Variants in PIGN observed in about 807,000 individuals in gnomAD.
PIGN encodes the protein GPI ethanolamine phosphate transferase 1.
Under a neutral mutation model 125.4 loss-of-function variants are expected in PIGN, and 117 were observed. That is an observed-to-expected ratio of 0.93 (90% CI 0.80 to 1.09). The LOEUF is 1.09. PIGN is among the 50% of genes least tolerant of loss of function. PIGN has a pLI of 0.00. For synonymous variants in PIGN, 392 were observed against 377.8 expected (o/e 1.04, Z -0.44); for missense variants, 1,075 against 1,094.9 (o/e 0.98, Z 0.26).
At position 62,045,818 on chromosome 18, in the gene PIGN, G is replaced by A. The variant is rs756388509; in HGVS notation, c.*38C>T. The stretch of plus-strand genomic sequence containing the variant: ...TTGATGAGATTTTAGCTTAAAAGGA[G>A]AATCAGGATCCAGATGCTGAATGGT... On this transcript the variant is annotated 3_prime_UTR_variant, in exon 31 of 31. Transcript: ENST00000640252. The A allele has an allele frequency of 5.0e-6, 8 of 1,607,716 alleles. No homozygotes were observed. Among genetic ancestry groups the A allele is most frequent in the Non-Finnish European group, 6.0e-6 (7 of 1,175,414 alleles).
rs2030391847 is a variant in PIGN at position 62,041,744 on chromosome 18, G to C, written c.*4112C>G. On this transcript the variant is annotated 3_prime_UTR_variant, in exon 31 of 31. Coordinates refer to ENST00000640252, the MANE Select transcript of PIGN (RefSeq NM_176787.5). ...GGGTTTTGCCATCTTGGCCAGACTG[G>C]TCTCGAACTCCTGACCTCAAGTGAT... 6.9e-6 allele frequency: 1 copy of C among 143,942 alleles called. No individual in the cohort carries two copies. The highest frequency in any genetic ancestry group is 1.5e-5 in the Non-Finnish European group (1 of 67,154). The allele number at this position is 143,942 out of a possible 1,614,324, so 8.9% of individuals were successfully genotyped here. A position where few individuals can be genotyped will look rare whatever the true frequency, so the allele number is the denominator to read the frequency against.
intron 23 of PIGN, among the ~76,000 whole-genome samples, chr18:62,023,145 C>G (rs1248317516): frequency 1.3e-5 from 2 of 152,038 alleles, no homozygotes; most frequent in Non-Finnish European, 2.9e-5. Flanking sequence ...TGTATAGTCA[C>G]AGAGTTGTGC....
chr18:62,026,767 A>G (rs1197490409), intron 23 of PIGN, among the ~76,000 whole-genome samples: 2 of 152,216 alleles, frequency 1.3e-5, no homozygotes, highest in African/African-American at 4.8e-5. Context: ...AACTTGACAG[A>G]CATATCAGAA....
chr18:62,102,490 A>G (rs1185478690), intron 21 of PIGN, among the ~76,000 whole-genome samples: 1 of 147,848 alleles, frequency 6.8e-6, no homozygotes, highest in Non-Finnish European at 1.5e-5. Context: ...CCCTGACCCA[A>G]ATGAGGACAA....
At chr18:62,142,547 T>C (rs2036176567) in intron 11 of PIGN, among the ~76,000 whole-genome samples, 1 of 152,188 alleles carries the variant, frequency 6.6e-6, no homozygotes, top group Non-Finnish European at 1.5e-5. Context: ...TATTCTTATT[T>C]TGCTGGGAAG....
At chr18:62,071,947 G>A (rs2032902999) in intron 30 of PIGN, among the ~76,000 whole-genome samples, 2 of 137,448 alleles carry the variant, frequency 1.5e-5, no homozygotes, top group Non-Finnish European at 3.1e-5. Flanking sequence ...AGGTCCTTCA[G>A]GAGGTATTCT....
intron 4 of PIGN, among the ~76,000 whole-genome samples, chr18:62,159,411 G>T (rs2036859838): frequency 6.6e-6 from 1 of 152,094 alleles, no homozygotes; most frequent in Non-Finnish European, 1.5e-5. Flanking sequence ...CACCAGAAAA[G>T]CTTGACTTTA....
At chr18:62,179,637 T>A (rs546385269) in intron 1 of PIGN, among the ~76,000 whole-genome samples, 4 of 152,096 alleles carry the variant, frequency 2.6e-5, no homozygotes, top group Non-Finnish European at 4.4e-5. Context: ...TCCCAGCTAC[T>A]TGTGGGGCTG....
In PIGN at chr18:62,162,343, A is replaced by AG. The variant is rs1349391516; in HGVS notation, c.-109-15dup. 3 of 152,046 alleles carry AG rather than the reference A, an allele frequency of 2.0e-5. No homozygotes were observed. The highest frequency in any genetic ancestry group is 6.6e-5 in the Admixed American group (1 of 15,262). The allele number at this position is 152,046 out of a possible 1,614,324, so 9.4% of individuals were successfully genotyped here. ...GTTGGTGAATCTCTGCAGATCGAGG[A>AG]GAAAAAAAAAAGTATTGGAACTTGT... On this transcript the variant is annotated splice_polypyrimidine_tract_variant and intron_variant, in intron 2 of 30. Coordinates refer to ENST00000640252, the MANE Select transcript of PIGN (RefSeq NM_176787.5).
At chr18:62,183,963 A>C (rs2037808737) in intron 1 of PIGN, among the ~76,000 whole-genome samples, 1 of 152,212 alleles carries the variant, frequency 6.6e-6, no homozygotes, top group African/African-American at 2.4e-5. Context: ...TTAATTGCTT[A>C]ATACTAAATA....
intron 20 of PIGN, among the ~76,000 whole-genome samples, chr18:62,104,839 T>C (rs1400849291): frequency 1.3e-5 from 2 of 152,080 alleles, no homozygotes; most frequent in African/African-American, 4.8e-5. Context: ...GATTAGACAA[T>C]AAGAGAGGAA....
At chr18:62,039,019 CT>C (rs2144911741), downstream of PIGN, among the ~76,000 whole-genome samples, 1 of 151,728 alleles carries the variant, frequency 6.6e-6, no homozygotes, top group Non-Finnish European at 1.5e-5. Context: ...ACATTGGGCT[CT>C]AACATGGCTC....
intron 7 of PIGN, among the ~76,000 whole-genome samples, chr18:62,151,783 T>G (rs1475361027): frequency 1.3e-5 from 2 of 152,228 alleles, no homozygotes; most frequent in African/African-American, 4.8e-5. Flanking sequence ...AAGGTAAGAA[T>G]TGAGGTTGCT....
intron 1 of PIGN, among the ~76,000 whole-genome samples, chr18:62,177,186 T>A (rs2037556308): frequency 6.6e-6 from 1 of 152,168 alleles, no homozygotes; most frequent in Non-Finnish European, 1.5e-5. Context: ...TAGGTCCCTA[T>A]GGTTTTGTTC....
intron 23 of PIGN, among the ~76,000 whole-genome samples, chr18:62,030,750 A>G: frequency 6.6e-6 from 1 of 152,204 alleles, no homozygotes; most frequent in East Asian, 1.9e-4. Flanking sequence ...AAATGAGGAA[A>G]AAAAGATCAT....
chr18:62,067,740 G>A (rs1014707256), intron 30 of PIGN, among the ~76,000 whole-genome samples: 6 of 152,182 alleles, frequency 3.9e-5, no homozygotes, highest in Admixed American at 3.9e-4. Flanking sequence ...GAACATTTGG[G>A]TTGTTTCAAG....
At chr18:62,167,300 G>A (rs1479036028) in intron 1 of PIGN, among the ~76,000 whole-genome samples, 55 of 33,412 alleles carry the variant, frequency 1.6e-3, no homozygotes, top group African/African-American at 3.4e-3. Context: ...GTGTGTGTGT[G>A]TGTGTGTGTG....
Position 62,154,541 on chromosome 18 carries a change from A to T in PIGN, c.549+4T>A. On this transcript the variant is annotated splice_donor_region_variant and intron_variant, in intron 7 of 30. Coordinates refer to ENST00000640252, the MANE Select transcript of PIGN (RefSeq NM_176787.5). ...TTGTATATTAACCACTCAATAGCAC[A>T]AACCTTAACATTATCAAAAACCCAC... The T allele has an allele frequency of 7.2e-7, 1 of 1,388,194 alleles. No homozygotes were observed. The highest frequency in any genetic ancestry group is 1.2e-5 in the South Asian group (1 of 85,180). The allele number at this position is 1,388,194 out of a possible 1,614,324, so 86.0% of individuals were successfully genotyped here.
At position 62,081,681 on chromosome 18, in the gene PIGN, C is replaced by A. The variant is rs569664242; in HGVS notation, c.2576+992G>T. Among the ~76,000 whole-genome samples, 208 of 152,240 alleles carry A rather than the reference C, an allele frequency of 1.4e-3. 9 individuals carry two copies. In the South Asian group the frequency reaches 0.041, roughly 30 times the overall value. The stretch of plus-strand genomic sequence containing the variant: ...CTTAATTAAAATCCCTTCTAAAAAT[C>A]TTATCCACCAACAAAGATGCAGGAA... On this transcript the variant is annotated intron_variant, in intron 28 of 30. Coordinates refer to ENST00000640252, the MANE Select transcript of PIGN (RefSeq NM_176787.5).
Sources: allele counts gnomAD v4.1 joint callset (sites outside exome capture counted in the v4.1 genomes callset), GRCh38; gene constraint gnomAD v4.1.1; transcripts MANE v1.5; gene names NCBI Gene and HGNC (gene_info 2026-07-23, HGNC 2026-07-21).